Variants in TMPRSS9 observed in about 807,000 individuals in gnomAD.
TMPRSS9 encodes the protein transmembrane serine protease 9.
In TMPRSS9, 113 loss-of-function variants were observed where a neutral mutation model predicts 111.4. The ratio of observed to expected loss-of-function variants is 1.01; its 90% CI spans 0.87 to 1.19. The LOEUF is 1.19. TMPRSS9 is among the 50% of genes most tolerant of loss of function. The pLI is 0.00. For synonymous variants in TMPRSS9, 805 were observed against 659.1 expected (o/e 1.22, Z -3.39); for missense variants, 1,803 against 1,513.1 (o/e 1.19, Z -3.18).
intron 1 of TMPRSS9, among the ~76,000 whole-genome samples, chr19:2,366,203 CG>C (rs1970246960): frequency 6.6e-6 from 1 of 151,870 alleles, no homozygotes; most frequent in Non-Finnish European, 1.5e-5. Context: ...AAAAATTAGC[CG>C]GGTGTGGTGG....
At chr19:2,424,360 G>A in intron 15 of TMPRSS9, 103 bp downstream of exon 16, 2 of 1,210,544 alleles carry the variant, frequency 1.7e-6, no homozygotes, top group Non-Finnish European at 2.1e-6. Context: ...TGCCGGGAGT[G>A]CCCTCCCCAA....
chr19:2,361,615 G>A (rs1380242557), intron 1 of TMPRSS9, among the ~76,000 whole-genome samples: 2 of 152,126 alleles, frequency 1.3e-5, no homozygotes, highest in East Asian at 1.9e-4. Flanking sequence ...CGTTATCCCC[G>A]CATGACCGGG....
At chr19:2,425,164 T>A in exon 16 of TMPRSS9, 1 of 1,565,508 alleles carries the variant, frequency 6.4e-7, no homozygotes, top group South Asian at 1.1e-5. Context: ...GGCCGGTGCG[T>A]CGCAGCCGCC....
chr19:2,405,092 G>A (rs1042015801), intron 6 of TMPRSS9, among the ~76,000 whole-genome samples: 2 of 152,052 alleles, frequency 1.3e-5, no homozygotes, highest in Non-Finnish European at 2.9e-5. Flanking sequence ...TGTACGTGGG[G>A]TCATCGCCCC....
chr19:2,389,650 G>T, upstream of TMPRSS9: 1 of 1,078,380 alleles, frequency 9.3e-7, no homozygotes, highest in Non-Finnish European at 1.3e-6. Context: ...TGACAGGCGT[G>T]AGCCACCGCG....
At position 2,425,085 on chromosome 19, in the gene TMPRSS9, G is replaced by GC. The variant is rs1421588725; in HGVS notation, c.2802dup (p.Ile935HisfsTer108). 81 of 1,578,884 alleles carry GC rather than the reference G, an allele frequency of 5.1e-5. No individual in the cohort carries two copies. Among genetic ancestry groups the GC allele is most frequent in the Non-Finnish European group, 6.8e-5 (79 of 1,169,954 alleles). On this transcript the variant is annotated frameshift_variant, in exon 16 of 18. Coordinates refer to ENST00000648592, the Ensembl canonical transcript of TMPRSS9. LOFTEE classifies it high-confidence loss of function. ...GAGGGGCAGCTGGAGCGCGTGGCGC[G>GC]CATCTACAAGCACCCGTTCTACAAT...
exon 8 of TMPRSS9, chr19:2,408,538 T>C: frequency 6.2e-7 from 1 of 1,613,680 alleles, no homozygotes; most frequent in East Asian, 2.2e-5. Flanking sequence ...GGCCGGCACA[T>C]CCAGCCCGTG....
intron 1 of TMPRSS9, among the ~76,000 whole-genome samples, chr19:2,374,299 G>A (rs1332130793): frequency 2.4e-5 from 3 of 126,050 alleles, no homozygotes; most frequent in African/African-American, 9.1e-5. Context: ...GAGGTAGGGC[G>A]CGGTGGCTCA....
chr19:2,389,985 G>A (rs946626216), intron 1 of TMPRSS9, 58 bp downstream of exon 2: 52 of 1,559,916 alleles, frequency 3.3e-5, no homozygotes, highest in Non-Finnish European at 4.1e-5. Flanking sequence ...CAAAGTCACC[G>A]GGAAGTGACT....
intron 13 of TMPRSS9, among the ~76,000 whole-genome samples, chr19:2,418,530 CCCTCCCTT>C (rs1971349593): frequency 5.3e-5 from 1 of 18,940 alleles, no homozygotes; most frequent in Admixed American, 6.0e-4. Flanking sequence ...TCCCTCTCCT[CCCTCCCTT>C]CCCTTCCCTC....
chr19:2,408,428 G>A (rs2145350438), exon 8 of TMPRSS9: 2 of 1,613,854 alleles, frequency 1.2e-6, no homozygotes, highest in South Asian at 1.1e-5. Flanking sequence ...CCAGCACCGT[G>A]CGGGCCCAGG....
At chr19:2,425,831 GA>G in intron 17 of TMPRSS9, 95 bp from the exon 19 acceptor site, 1 of 1,448,278 alleles carries the variant, frequency 6.9e-7, no homozygotes, top group Non-Finnish European at 9.1e-7. Context: ...GCTCCCAGGG[GA>G]AGTCACTAGG....
intron 8 of TMPRSS9, among the ~76,000 whole-genome samples, chr19:2,408,993 T>TAATA (rs1202791214): frequency 5.0e-4 from 57 of 113,274 alleles, no homozygotes; most frequent in Admixed American, 3.2e-3. Context: ...CATCTCAAAA[T>TAATA]AATAATAATA....
exon 14 of TMPRSS9, chr19:2,422,188 C>T: frequency 6.5e-7 from 1 of 1,547,150 alleles, no homozygotes; most frequent in Admixed American, 1.9e-5. Context: ...AGCACCACTG[C>T]TAGGGGACAG....
rs369264532 is a variant in TMPRSS9 at position 2,403,063 on chromosome 19, G to A, written c.557-19G>A. 129 of 1,586,038 alleles carry A rather than the reference G, an allele frequency of 8.1e-5. No homozygotes were observed. The highest frequency in any genetic ancestry group is 1.4e-4 in the Admixed American group (8 of 55,468). ...AGATGTAGCATGAGGTCAGAAAGTC[G>A]GTTCTTTTCTGTCCTCAGGCCGCTG... On this transcript the variant is annotated intron_variant, in intron 5 of 17. Transcript: ENST00000648592.
At chr19:2,392,916 C>G (rs1339924016) in intron 1 of TMPRSS9, among the ~76,000 whole-genome samples, 2 of 152,080 alleles carry the variant, frequency 1.3e-5, no homozygotes, top group Non-Finnish European at 2.9e-5. Context: ...CTGTGTCTAG[C>G]TAATCTAGTG....
intron 1 of TMPRSS9, among the ~76,000 whole-genome samples, chr19:2,374,248 CTTTTTTTTTTTTTTTTTTTTTTTT>C (rs1027376774): frequency 1.4e-5 from 1 of 70,398 alleles, no homozygotes; most frequent in African/African-American, 4.9e-5. Flanking sequence ...TCTCAACAAT[CTTTTTTTTTTTTTTTTTTTTTTTT>C]TTTTTTTTTT....
At chr19:2,399,074 TCCA>T (rs750924066) in exon 4 of TMPRSS9, 1 of 1,613,470 alleles carries the variant, frequency 6.2e-7, no homozygotes, top group Non-Finnish European at 8.5e-7. Context: ...CTGCGACCCC[TCCA>T]GACGCTGAGC....
intron 9 of TMPRSS9, among the ~76,000 whole-genome samples, chr19:2,413,414 A>G (rs184855421): frequency 2.0e-5 from 3 of 152,300 alleles, no homozygotes; most frequent in Non-Finnish European, 4.4e-5. Flanking sequence ...TGAGTTAAGA[A>G]GAGGAGGGGA....
Sources: allele counts gnomAD v4.1 joint callset (sites outside exome capture counted in the v4.1 genomes callset), GRCh38; gene constraint gnomAD v4.1.1; transcripts MANE v1.5; gene names NCBI Gene and HGNC (gene_info 2026-07-23, HGNC 2026-07-21).